Variants in VIT observed in about 807,000 individuals in gnomAD.
VIT encodes vitrin.
In VIT, 99 loss-of-function variants were observed where a neutral mutation model predicts 78.0. The ratio of observed to expected loss-of-function variants is 1.27; its 90% CI spans 1.08 to 1.50. The LOEUF (loss-of-function observed/expected upper bound fraction) is 1.50. VIT is among the 40% of genes most tolerant of loss of function. The probability of loss-of-function intolerance (pLI) is 0.00; values close to 1 mark genes in which losing one functional copy is unlikely to be tolerated. For synonymous variants in VIT, 374 were observed against 334.3 expected (o/e 1.12, Z -1.29); for missense variants, 1,126 against 875.3 (o/e 1.29, Z -3.61).
chr2:36,703,119 C>T (rs1665169773), intron 1 of VIT, among the ~76,000 whole-genome samples: 1 of 152,214 alleles, frequency 6.6e-6, no homozygotes, highest in Non-Finnish European at 1.5e-5. Context: ...GACACAACTA[C>T]TCAGCCACTT....
intron 7 of VIT, among the ~76,000 whole-genome samples, chr2:36,772,200 G>A (rs973910194): frequency 6.6e-6 from 1 of 152,018 alleles, no homozygotes; most frequent in African/African-American, 2.4e-5. Context: ...CTTGAGGCCA[G>A]GAGTTCAATA....
At chr2:36,805,832 C>G (rs997444908) in intron 14 of VIT, among the ~76,000 whole-genome samples, 168 bp downstream of exon 14, 1 of 152,120 alleles carries the variant, frequency 6.6e-6, no homozygotes, top group Non-Finnish European at 1.5e-5. Context: ...CAATTACCCT[C>G]TCAAAGCAAA....
intron 4 of VIT, 137 bp from the exon 5 acceptor site, chr2:36,754,783 CT>C: frequency 1.1e-6 from 1 of 893,754 alleles, no homozygotes; most frequent in Non-Finnish European, 1.6e-6. Flanking sequence ...GTGGGTTGGG[CT>C]TCATGTCAAG....
Position 36,781,770 on chromosome 2 carries a change from A to C in VIT, c.846A>C (p.Glu282Asp). The change falls in exon 10 of 16, where the codon GAA (glutamate) becomes GAC (aspartate). Residue 282 changes from glutamate (E) to aspartate (D), a missense_variant and splice_region_variant. Physicochemically the swap from Glu to Asp is conservative, Grantham distance 45. Coordinates refer to ENST00000379242, the MANE Select transcript of VIT (RefSeq NM_053276.4). ...AACCTGGATCGGTCCTTTTAGATGAAGGTAATTATACAGCCCAACCTCTCA... is the reference window on the plus strand; with the variant it reads ...AACCTGGATCGGTCCTTTTAGATGACGGTAATTATACAGCCCAACCTCTCA... The part of the protein sequence containing the change: ...SWKPGSVLLD[E>D]GLVPKEELST... 1 of 1,614,182 alleles carries C rather than the reference A, an allele frequency of 6.2e-7. No individual in the cohort carries two copies. The highest frequency in any genetic ancestry group is 1.1e-5 in the South Asian group (1 of 91,084).
rs923432194 is a variant in VIT, at chr2:36,808,551, T to A, written c.1469T>A (p.Val490Glu). ...CTCCACAAGACCCTGCAGCCTCTGG[T>A]GAAGCGGGTCTGCGACACTGACCGC... ...FGLHKTLQPL[V>E]KRVCDTDRLA... The change falls in exon 15 of 16, where the codon GTG (valine) becomes GAG (glutamate). Residue 490 changes from valine (V) to glutamate (E), a missense_variant. Val to Glu is a moderately radical substitution (Grantham distance 121). Coordinates refer to ENST00000379242, the MANE Select transcript of VIT (RefSeq NM_053276.4). The A allele has an allele frequency of 1.2e-6, 2 of 1,614,074 alleles. No homozygotes were observed. The highest frequency in any genetic ancestry group is 2.2e-5 in the South Asian group (2 of 91,080).
chr2:36,758,933 G>T, intron 5 of VIT, 36 bp from the exon 6 acceptor site: 1 of 1,580,072 alleles, frequency 6.3e-7, no homozygotes. Flanking sequence ...TCTAGCTCTA[G>T]AAATAAATCT....
intron 2 of VIT, among the ~76,000 whole-genome samples, chr2:36,718,492 T>C (rs1861390): frequency 0.039 from 5,902 of 152,220 alleles, 356 homozygotes; most frequent in East Asian, 0.28. Context: ...CCCAACCCTA[T>C]GTAACATGGC....
At chr2:36,813,780 A>G (rs1307755937) in intron 15 of VIT, among the ~76,000 whole-genome samples, 1 of 152,206 alleles carries the variant, frequency 6.6e-6, no homozygotes, top group Admixed American at 6.5e-5. Context: ...TAGAGCAGGC[A>G]TGTGTCATGT....
intron 2 of VIT, among the ~76,000 whole-genome samples, chr2:36,718,581 C>A (rs1200234175): frequency 6.6e-6 from 1 of 152,164 alleles, no homozygotes; most frequent in Non-Finnish European, 1.5e-5. Flanking sequence ...AAAGAAAAGG[C>A]CACAAACAAT....
intron 9 of VIT, among the ~76,000 whole-genome samples, chr2:36,779,151 G>A (rs1436743247): frequency 6.6e-5 from 10 of 152,322 alleles, no homozygotes; most frequent in South Asian, 6.2e-4. Flanking sequence ...GCTCTTCAGT[G>A]CCCTAACCAA....
At chr2:36,705,137 T>C (rs1665332512) in intron 1 of VIT, among the ~76,000 whole-genome samples, 1 of 152,146 alleles carries the variant, frequency 6.6e-6, no homozygotes, top group African/African-American at 2.4e-5. Context: ...CTTCCAAAGC[T>C]TCATGAGAAT....
chr2:36,765,951 C>A (rs1049527419), intron 6 of VIT, among the ~76,000 whole-genome samples: 2 of 152,254 alleles, frequency 1.3e-5, no homozygotes, highest in Non-Finnish European at 2.9e-5. Flanking sequence ...AGCTGGCATG[C>A]CCCAATGGGG....
At chr2:36,726,010 A>G (rs1009051527) in intron 2 of VIT, among the ~76,000 whole-genome samples, 8 of 151,734 alleles carry the variant, frequency 5.3e-5, no homozygotes, top group Non-Finnish European at 7.4e-5. Context: ...CGGAGGTTGC[A>G]GTGAGTCGAG....
intron 6 of VIT, chr2:36,759,476 C>T (rs2148562906): frequency 1.7e-6 from 2 of 1,196,280 alleles, no homozygotes; most frequent in Non-Finnish European, 2.1e-6. Flanking sequence ...ATCCAAATAA[C>T]CCAGGCCAAA....
chr2:36,811,283 G>A (rs1429275597), intron 15 of VIT, among the ~76,000 whole-genome samples: 2 of 152,202 alleles, frequency 1.3e-5, no homozygotes, highest in African/African-American at 4.8e-5. Context: ...GCAAGCCCAA[G>A]GCTCTCCTGC....
intron 2 of VIT, among the ~76,000 whole-genome samples, chr2:36,723,365 A>C (rs1666631750): frequency 6.6e-6 from 1 of 152,186 alleles, no homozygotes; most frequent in South Asian, 2.1e-4. Flanking sequence ...AAAGAATATA[A>C]AAGTTTTTAA....
intron 4 of VIT, among the ~76,000 whole-genome samples, chr2:36,752,004 G>A (rs1668492636): frequency 6.6e-6 from 1 of 152,160 alleles, no homozygotes; most frequent in Non-Finnish European, 1.5e-5. Flanking sequence ...CCATTGTCCT[G>A]CCAGAGTCCC....
At chr2:36,806,842 C>T (rs147429910) in intron 14 of VIT, among the ~76,000 whole-genome samples, 1,602 of 152,306 alleles carry the variant, frequency 0.011, 28 homozygotes, top group African/African-American at 0.037. Context: ...GGATTACAGG[C>T]GTGGGCCACT....
At position 36,814,661 on chromosome 2, in the gene VIT, A is replaced by G; in HGVS notation, c.*300A>G. On this transcript the variant is annotated 3_prime_UTR_variant, in exon 16 of 16. Coordinates refer to ENST00000379242, the MANE Select transcript of VIT (RefSeq NM_053276.4). ...CGGAATACAGTGCAGCCCTTACGAC[A>G]GGCTTACGTAGAGCTTTTGTGAGAT... is the stretch of plus-strand genomic sequence containing the variant. 1 of 271,178 alleles carries G rather than the reference A, an allele frequency of 3.7e-6. No homozygotes were observed. The highest frequency in any genetic ancestry group is 6.9e-6 in the Non-Finnish European group (1 of 145,640). The allele number at this position is 271,178 out of a possible 1,614,324, so 16.8% of individuals were successfully genotyped here. A position where few individuals can be genotyped will look rare whatever the true frequency, so the allele number is the denominator to read the frequency against.
Sources: gnomAD v4.1 joint callset for allele counts (sites outside exome capture counted in the v4.1 genomes callset) on GRCh38, gnomAD v4.1.1 for gene constraint, MANE v1.5 for transcripts, NCBI Gene and HGNC (gene_info 2026-07-23, HGNC 2026-07-21) for gene names.